Variants in ZNF131 observed in about 807,000 individuals in gnomAD.
The protein encoded by ZNF131 is zinc finger protein 131.
ZNF131 carries 7 observed loss-of-function variants against 60.0 expected under a neutral mutation model. That is an observed-to-expected ratio of 0.12 (90% CI 0.07 to 0.22). The LOEUF (loss-of-function observed/expected upper bound fraction) is 0.22. Among genes scored for constraint, ZNF131 ranks in the 10% least tolerant of loss-of-function variants. ZNF131 has a pLI of 1.00. For missense variants in ZNF131, 493 were observed against 740.9 expected (o/e 0.67, Z 3.88); for synonymous variants, 257 against 253.2 (o/e 1.01, Z -0.14).
chr5:43,166,144 CTCTT>C (rs1481623971), intron 5 of ZNF131, among the ~76,000 whole-genome samples: 1 of 152,184 alleles, frequency 6.6e-6, no homozygotes, highest in African/African-American at 2.4e-5. Flanking sequence ...AGGTTACTCA[CTCTT>C]TCTTCATAAG....
Position 43,143,470 on chromosome 5 carries a change from A to G in ZNF131, c.371+4161A>G, listed in dbSNP as rs545840842. 6 of 1,314,610 alleles carry G rather than the reference A, an allele frequency of 4.6e-6. No individual in the cohort carries two copies. In the South Asian group the frequency reaches 8.9e-5, roughly 19 times the overall value. The allele number at this position is 1,314,610 out of a possible 1,614,324, so 81.4% of individuals were successfully genotyped here. A position where few individuals can be genotyped will look rare whatever the true frequency, so the allele number is the denominator to read the frequency against. On this transcript the variant is annotated intron_variant, in intron 4 of 6. Transcript: ENST00000682664. ...CATCTTCAACTACACGCTGTATTTG[A>G]AGTTTCTTAATTTCCTATCCCACTG...
intron 5 of ZNF131, among the ~76,000 whole-genome samples, chr5:43,169,305 A>ATGT (rs1353979948): frequency 3.3e-5 from 5 of 152,154 alleles, no homozygotes; most frequent in Non-Finnish European, 7.3e-5. Flanking sequence ...AATAATTAAT[A>ATGT]TGTTTCTATT....
chr5:43,153,329 GA>G (rs1319752969), intron 4 of ZNF131, among the ~76,000 whole-genome samples: 2 of 151,956 alleles, frequency 1.3e-5, no homozygotes, highest in East Asian at 3.9e-4. Flanking sequence ...AAATGTTTAA[GA>G]ATGTTCAGGG....
intron 3 of ZNF131, among the ~76,000 whole-genome samples, chr5:43,132,629 G>A (rs1029718833): frequency 1.3e-5 from 2 of 149,142 alleles, no homozygotes; most frequent in African/African-American, 4.9e-5. Flanking sequence ...TCCTGCCTCA[G>A]CCTCCCCAGT....
Position 43,140,230 on chromosome 5 carries a change from A to G in ZNF131, c.371+921A>G, listed in dbSNP as rs183069755. ...AACAAAGTGAGACCCTGTTTTTTTAAAAAAGAGAAAACGTGAAAGGATATA... is the reference window on the plus strand; with the variant it reads ...AACAAAGTGAGACCCTGTTTTTTTAGAAAAGAGAAAACGTGAAAGGATATA... On this transcript the variant is annotated intron_variant, in intron 4 of 6. Coordinates refer to ENST00000682664, the MANE Select transcript of ZNF131 (RefSeq NM_001330707.2). Among the ~76,000 whole-genome samples, 5 of 152,308 alleles carry G rather than the reference A, an allele frequency of 3.3e-5. No homozygotes were observed. In the East Asian group the frequency reaches 9.6e-4, roughly 29 times the overall value.
intron 5 of ZNF131, among the ~76,000 whole-genome samples, chr5:43,168,587 A>G (rs1338107659): frequency 6.6e-6 from 1 of 152,190 alleles, no homozygotes; most frequent in Non-Finnish European, 1.5e-5. Context: ...AGTTATTTTC[A>G]TAAATTCCAT....
At position 43,123,327 on chromosome 5, in the gene ZNF131, G is replaced by T; in HGVS notation, c.226+17G>T. The T allele has an allele frequency of 1.3e-6, 2 of 1,567,510 alleles. No homozygotes were observed. Among genetic ancestry groups the T allele is most frequent in the South Asian group, 1.2e-5 (1 of 84,606 alleles). ...AGATAGAAGGTAAATGATTCTTGTT[G>T]TTTTTTTATTTAATAAATCAAAGAA... On this transcript the variant is annotated intron_variant, in intron 3 of 6. Coordinates refer to ENST00000682664, the MANE Select transcript of ZNF131 (RefSeq NM_001330707.2).
At chr5:43,131,061 C>T (rs556644642) in intron 3 of ZNF131, among the ~76,000 whole-genome samples, 10 of 151,982 alleles carry the variant, frequency 6.6e-5, no homozygotes, top group Middle Eastern at 3.4e-3. Flanking sequence ...GATGGGGTTT[C>T]GCCTTGTTGG....
chr5:43,159,470 G>T (rs1461662326), intron 4 of ZNF131, among the ~76,000 whole-genome samples: 1 of 152,082 alleles, frequency 6.6e-6, no homozygotes, highest in Non-Finnish European at 1.5e-5. Context: ...GAGGTGGGCA[G>T]ATCACCTGAG....
At chr5:43,174,360 ATCTTT>A (rs755845734) in intron 6 of ZNF131, 82 bp from the exon 7 acceptor site, 57 of 1,212,462 alleles carry the variant, frequency 4.7e-5, no homozygotes, top group Non-Finnish European at 5.9e-5. Context: ...TAAGCCTTCA[ATCTTT>A]TCTTTACAGA....
At chr5:43,132,098 A>G (rs904136499) in intron 3 of ZNF131, among the ~76,000 whole-genome samples, 5 of 152,204 alleles carry the variant, frequency 3.3e-5, no homozygotes, top group Non-Finnish European at 7.3e-5. Flanking sequence ...TTGATTAAAA[A>G]TCAAAATTTC....
At chr5:43,158,955 A>T (rs1271837250) in intron 4 of ZNF131, among the ~76,000 whole-genome samples, 1 of 151,926 alleles carries the variant, frequency 6.6e-6, no homozygotes, top group Non-Finnish European at 1.5e-5. Flanking sequence ...AGTGTCATGG[A>T]TGCTGGAAGA....
At chr5:43,151,261 A>G (rs1430580621) in intron 4 of ZNF131, among the ~76,000 whole-genome samples, 1 of 152,230 alleles carries the variant, frequency 6.6e-6, no homozygotes, top group Non-Finnish European at 1.5e-5. Flanking sequence ...AAAACTGCCC[A>G]CGGGATGTGC....
rs373806098 is a variant in ZNF131 at position 43,158,635 on chromosome 5, A to G, written c.372-2614A>G. On this transcript the variant is annotated intron_variant, in intron 4 of 6. Coordinates refer to ENST00000682664, the MANE Select transcript of ZNF131 (RefSeq NM_001330707.2). ...TATATCTGCACACTTACTTCCAAAT[A>G]AGGCCTATTCACAGATATTAGGGGC... Among the ~76,000 whole-genome samples the G allele has an allele frequency of 1.2e-4, 19 of 152,288 alleles. No homozygotes were observed. The East Asian group carries it at 3.7e-3, about 29-fold the overall frequency.
intron 3 of ZNF131, among the ~76,000 whole-genome samples, chr5:43,130,659 G>A (rs532150667): frequency 6.6e-6 from 1 of 152,016 alleles, no homozygotes; most frequent in Non-Finnish European, 1.5e-5. Flanking sequence ...CCGCCTCCCG[G>A]GTTCAAGCGA....
intron 3 of ZNF131, chr5:43,123,748 A>C (rs1744162164): frequency 6.5e-6 from 1 of 153,190 alleles, no homozygotes; most frequent in African/African-American, 2.4e-5. Context: ...TACAGATGAC[A>C]TGCAGTGTGA....
chr5:43,159,724 A>C (rs1006332855), intron 4 of ZNF131, among the ~76,000 whole-genome samples: 1 of 151,586 alleles, frequency 6.6e-6, no homozygotes, highest in East Asian at 1.9e-4. Context: ...CCAAACAAAA[A>C]ATTTGACAGA....
chr5:43,133,967 T>C (rs754231524), intron 3 of ZNF131, among the ~76,000 whole-genome samples: 2 of 152,182 alleles, frequency 1.3e-5, no homozygotes, highest in Non-Finnish European at 2.9e-5. Flanking sequence ...AAGAAATTAA[T>C]GCCAGTCCTT....
chr5:43,151,450 T>C lies in ZNF131; in HGVS notation c.372-9799T>C, dbSNP rs143051892. ...CATTTTGTTTCGTTTTGTTTTGTTTTTTTGAGACGGAGTCTCACTCTGTGC... is the reference window on the plus strand; with the variant it reads ...CATTTTGTTTCGTTTTGTTTTGTTTCTTTGAGACGGAGTCTCACTCTGTGC... On this transcript the variant is annotated intron_variant, in intron 4 of 6. Coordinates refer to ENST00000682664, the MANE Select transcript of ZNF131 (RefSeq NM_001330707.2). Among the ~76,000 whole-genome samples the C allele has an allele frequency of 5.0e-3, 749 of 150,494 alleles. 4 individuals are homozygous for C. Among genetic ancestry groups the C allele is most frequent in the African/African-American group, 0.017 (724 of 41,456 alleles).
Sources: gnomAD v4.1 joint callset for allele counts (sites outside exome capture counted in the v4.1 genomes callset) on GRCh38, gnomAD v4.1.1 for gene constraint, MANE v1.5 for transcripts, NCBI Gene and HGNC (gene_info 2026-07-23, HGNC 2026-07-21) for gene names.